Variants in VPS35 observed in about 807,000 individuals in gnomAD.
VPS35 encodes VPS35 retromer complex component, also known as vacuolar protein sorting-associated protein 35.
In VPS35, 21 loss-of-function variants were observed where a neutral mutation model predicts 98.1. That is an observed-to-expected ratio of 0.21 (90% CI 0.15 to 0.31). The LOEUF is 0.31. VPS35 is among the 10% of genes least tolerant of loss of function. The pLI, the probability that VPS35 is intolerant of heterozygous loss-of-function variation, is 1.00. For missense variants in VPS35, 554 were observed against 950.8 expected (o/e 0.58, Z 5.49); for synonymous variants, 268 against 318.2 (o/e 0.84, Z 1.68).
intron 10 of VPS35, among the ~76,000 whole-genome samples, 158 bp from the exon 11 acceptor site, chr16:46,672,630 A>T (rs1415815629): frequency 2.6e-5 from 4 of 152,250 alleles, no homozygotes; most frequent in Non-Finnish European, 5.9e-5. Flanking sequence ...ACCTCCTTTC[A>T]GGAGGATAAA....
At position 46,663,820 on chromosome 16, in the gene VPS35, C is replaced by T. The variant is rs148801563; in HGVS notation, c.1648-658G>A. On this transcript the variant is annotated intron_variant, in intron 13 of 16. Coordinates refer to ENST00000299138, the MANE Select transcript of VPS35 (RefSeq NM_018206.6). ...AAGTGATGCTCCCACCTCAGACTCC[C>T]GAATAGCTAGGACTACAGGCTTGCA... Among the ~76,000 whole-genome samples, 1,278 of 144,066 alleles carry T rather than the reference C, an allele frequency of 8.9e-3. 37 individuals are homozygous for T. Among genetic ancestry groups the T allele is most frequent in the Admixed American group, 0.061 (831 of 13,532 alleles). 94.5% of individuals were successfully genotyped at this position (144,066 alleles called of 152,430 possible). A position where few individuals can be genotyped will look rare whatever the true frequency, so the allele number is the denominator to read the frequency against.
At chr16:46,676,995 T>C (rs1966161294) in intron 7 of VPS35, among the ~76,000 whole-genome samples, 1 of 151,826 alleles carries the variant, frequency 6.6e-6, no homozygotes, top group Admixed American at 6.6e-5. Context: ...AAACAGAAAA[T>C]TCCTATTTTT....
chr16:46,662,864 G>A, intron 14 of VPS35, 119 bp downstream of exon 14: 1 of 1,095,442 alleles, frequency 9.1e-7, no homozygotes, highest in Non-Finnish European at 1.4e-6. Flanking sequence ...TGGTGGGAAG[G>A]TGGTAGTTAC....
At chr16:46,681,591 G>A in intron 3 of VPS35, 91 bp from the exon 4 acceptor site, 2 of 1,442,438 alleles carry the variant, frequency 1.4e-6, no homozygotes, top group Admixed American at 1.8e-5. Flanking sequence ...CTACTGGGCA[G>A]ACATCTTAAG....
At chr16:46,663,852 C>T (rs1270327092) in intron 13 of VPS35, among the ~76,000 whole-genome samples, 1 of 100,276 alleles carries the variant, frequency 1.0e-5, no homozygotes, top group Non-Finnish European at 2.0e-5. Context: ...TGCATCACCA[C>T]ACCTGGCTAA....
intron 6 of VPS35, among the ~76,000 whole-genome samples, chr16:46,678,723 T>A (rs1034032595): frequency 6.6e-6 from 1 of 152,256 alleles, no homozygotes; most frequent in Non-Finnish European, 1.5e-5. Context: ...TGAGATTACA[T>A]TGGATCTATA....
At chr16:46,680,978 C>G (rs1489407457) in intron 4 of VPS35, 125 bp from the exon 5 acceptor site, 1 of 1,007,814 alleles carries the variant, frequency 9.9e-7, no homozygotes, top group Non-Finnish European at 1.5e-6. Flanking sequence ...TCCCGCATGA[C>G]AAGGAAAATA....
intron 14 of VPS35, among the ~76,000 whole-genome samples, 184 bp from the exon 15 acceptor site, chr16:46,662,666 C>T (rs1422230975): frequency 6.6e-6 from 1 of 152,136 alleles, no homozygotes; most frequent in Non-Finnish European, 1.5e-5. Context: ...TAAAAAGTTG[C>T]AATAAAGAAA....
At chr16:46,665,433 C>T (rs1381316180) in intron 13 of VPS35, among the ~76,000 whole-genome samples, 3 of 151,790 alleles carry the variant, frequency 2.0e-5, no homozygotes, top group Non-Finnish European at 4.4e-5. Context: ...TCTGTCTCTA[C>T]AAAAAATAAA....
In VPS35 at chr16:46,672,320, C is replaced by T. The variant is rs745893720; in HGVS notation, c.1313G>A (p.Cys438Tyr). The T allele has an allele frequency of 1.7e-5, 28 of 1,613,684 alleles. No individual in the cohort carries two copies. Among genetic ancestry groups the T allele is most frequent in the Non-Finnish European group, 2.3e-5 (27 of 1,179,878 alleles). The change falls in exon 11 of 17, where the codon TGT becomes TAT. Residue 438 changes from cysteine (C) to tyrosine (Y), a missense_variant. Cys to Tyr is a radical substitution (Grantham distance 194). This residue lies in a region of VPS35 where 254 missense variants were observed against 390.1 expected (regional missense o/e 0.65). Coordinates refer to ENST00000299138, the MANE Select transcript of VPS35 (RefSeq NM_018206.6). ...ATCCAGAACATTACTAAGCACATAA[C>T]AACTCATGCTCTTTCTGGACTCGTA... is the stretch of plus-strand genomic sequence containing the variant. ...FDYESRKSMS[C>Y]YVLSNVLDYN...
rs954963657 is a variant in VPS35, at chr16:46,677,299, A to G, written c.804+16T>C. 7.5e-6 allele frequency: 12 copies of G among 1,609,314 alleles called. No homozygotes were observed. The highest frequency in any genetic ancestry group is 1.0e-5 in the Non-Finnish European group (12 of 1,175,932). On this transcript the variant is annotated intron_variant, in intron 7 of 16. Transcript: ENST00000299138. ...AAAATAGGTCGTTTAAAAAAAAATG[A>G]AATGTTCCCAGCTACCTGAATAATA...
chr16:46,679,804 A>AAGT (rs1247929349), intron 5 of VPS35, among the ~76,000 whole-genome samples: 1 of 152,226 alleles, frequency 6.6e-6, no homozygotes, highest in Non-Finnish European at 1.5e-5. Context: ...ATAATAAAGC[A>AAGT]AGTAACTTCA....
At position 46,676,637 on chromosome 16, in the gene VPS35, G is replaced by C; in HGVS notation, c.860C>G (p.Ala287Gly). ...CACATTTACATTCTGGTGTAACTCA[G>C]CACAGGCCCGAAGAAAAGGATTCAA... ...QTLNPFLRAC[A>G]ELHQNVNVKN... Residue 287 changes from alanine (A) to glycine (G), a missense_variant, in exon 8 of 17, where the codon GCT (alanine) becomes GGT (glycine). Ala to Gly is a moderately conservative substitution (Grantham distance 60, BLOSUM62 0). Around this residue, in one of 5 missense-constraint regions of VPS35, gnomAD observed 254 missense variants for 390.1 expected, o/e 0.65. Transcript: ENST00000299138. 1.2e-6 allele frequency: 2 copies of C among 1,613,198 alleles called. No individual in the cohort carries two copies. Among genetic ancestry groups the C allele is most frequent in the Non-Finnish European group, 1.7e-6 (2 of 1,179,824 alleles).
At chr16:46,672,624 C>T in intron 10 of VPS35, 152 bp from the exon 11 acceptor site, 1 of 658,590 alleles carries the variant, frequency 1.5e-6, no homozygotes, top group Non-Finnish European at 2.6e-6. Flanking sequence ...ATAACAACCT[C>T]CTTTCAGGAG....
chr16:46,688,930 A>C, intron 1 of VPS35: 2 of 1,470,598 alleles, frequency 1.4e-6, no homozygotes, highest in Non-Finnish European at 1.8e-6. Flanking sequence ...CGCAGCCAAG[A>C]GCCGCCGCCC....
At chr16:46,672,199 T>G in intron 11 of VPS35, 66 bp downstream of exon 11, 3 of 1,374,850 alleles carry the variant, frequency 2.2e-6, no homozygotes, top group Non-Finnish European at 2.1e-6. Context: ...CCATCTCAGG[T>G]ATCTAGGTCC....
In VPS35 at chr16:46,661,576, T is replaced by C. The variant is rs1243978545; in HGVS notation, c.2211+142A>G. The C allele has an allele frequency of 1.2e-6, 1 of 834,110 alleles. No homozygotes were observed. The highest frequency in any genetic ancestry group is 2.7e-5 in the East Asian group (1 of 37,092). 51.7% of individuals were successfully genotyped at this position (834,110 alleles called of 1,614,324 possible). ...ACATTATGACAAATTAGCCTATTAT[T>C]TGACATCTGTAAATTATTTTACATT... On this transcript the variant is annotated intron_variant, in intron 16 of 16. Transcript: ENST00000299138. This position sits in a 1 kb window ranked among gnomAD's most constrained non-coding sequence, Gnocchi z 4.3.
chr16:46,676,463 T>C (rs1567267395), intron 8 of VPS35, 120 bp downstream of exon 8: 13 of 727,678 alleles, frequency 1.8e-5, no homozygotes, highest in Non-Finnish European at 2.9e-5. Context: ...ATTTATAGTA[T>C]AATTAAATTA....
rs966782513 is a variant in VPS35 at position 46,658,649 on chromosome 16, T to C, written c.*1823A>G. The C allele has an allele frequency of 1.3e-5, 2 of 152,568 alleles. No individual in the cohort carries two copies. The highest frequency in any genetic ancestry group is 2.9e-5 in the Non-Finnish European group (2 of 68,044). The allele number at this position is 152,568 out of a possible 1,614,324, so 9.5% of individuals were successfully genotyped here. On this transcript the variant is annotated 3_prime_UTR_variant, in exon 17 of 17. Transcript: ENST00000299138. ...TATTTCACAAAACATGTAAATAATA[T>C]GGACATGTCAAGCCATAATCAGGTT...
Sources: allele counts gnomAD v4.1 joint callset (sites outside exome capture counted in the v4.1 genomes callset), GRCh38; gene constraint gnomAD v4.1.1; regional missense constraint gnomAD v4.1.1; non-coding constraint Gnocchi (gnomAD v3.1); transcripts MANE v1.5; gene names NCBI Gene and HGNC (gene_info 2026-07-23, HGNC 2026-07-21).